Variants in TRIM25 observed in about 807,000 individuals in gnomAD.
TRIM25 encodes the protein E3 ubiquitin/ISG15 ligase TRIM25.
Under a neutral mutation model 65.2 loss-of-function variants are expected in TRIM25, and 45 were observed. The ratio of observed to expected loss-of-function variants is 0.69; its 90% confidence interval spans 0.54 to 0.89. The LOEUF (loss-of-function observed/expected upper bound fraction) is 0.89. Among genes scored for constraint, TRIM25 ranks in the 40% least tolerant of loss-of-function variants. The pLI, the probability that TRIM25 is intolerant of heterozygous loss-of-function variation, is 0.00. For synonymous variants in TRIM25, 321 were observed against 340.4 expected, an observed-to-expected ratio of 0.94 and a Z score of 0.63; for missense variants, 714 against 803.7, an observed-to-expected ratio of 0.89 and a Z score of 1.35.
At chr17:56,894,442 GT>G (rs2144349254) in intron 8 of TRIM25, among the ~76,000 whole-genome samples, 2 of 152,298 alleles carry the variant, frequency 1.3e-5, no homozygotes, top group South Asian at 4.1e-4. Context: ...TAGAGATGGG[GT>G]TTTGCCATGT....
intron 2 of TRIM25, among the ~76,000 whole-genome samples, chr17:56,906,431 CAAAGAGA>C (rs1165832728): frequency 6.6e-6 from 1 of 151,884 alleles, no homozygotes; most frequent in East Asian, 1.9e-4. Flanking sequence ...TCAAACATAA[CAAAGAGA>C]AAAACACACA....
At chr17:56,908,584 G>A in intron 1 of TRIM25, 21 bp from the exon 2 acceptor site, 1 of 1,609,454 alleles carries the variant, frequency 6.2e-7, no homozygotes, top group East Asian at 2.2e-5. Flanking sequence ...AACAAATGAG[G>A]TTGAGAATGC....
rs1023077812 is a variant in TRIM25 at position 56,889,494 on chromosome 17, A to G, written c.*2206T>C. 5.7e-6 allele frequency: 2 copies of G among 352,178 alleles called. No homozygotes were observed. The highest frequency in any genetic ancestry group is 4.2e-5 in the African/African-American group (2 of 47,746). The allele number at this position is 352,178 out of a possible 1,614,324, so 21.8% of individuals were successfully genotyped here. ...CGGCCCTGCAAGGCTAGGTTATGTAAGGTCTCACCATTGCAAACAGAATGG... is the reference window on the plus strand; with the variant it reads ...CGGCCCTGCAAGGCTAGGTTATGTAGGGTCTCACCATTGCAAACAGAATGG... On this transcript the variant is annotated 3_prime_UTR_variant, in exon 9 of 9. Transcript: ENST00000316881.
In TRIM25 at chr17:56,889,569, G is replaced by T. The variant is rs894839057; in HGVS notation, c.*2131C>A. ...TCAATTTACAACTCCAAAGCACCTT[G>T]CACAGAGCTTGGCTTTGGTTACCTA... On this transcript the variant is annotated 3_prime_UTR_variant, in exon 9 of 9. Transcript: ENST00000316881. 2.5e-6 allele frequency: 1 copy of T among 393,688 alleles called. No homozygotes were observed. Among genetic ancestry groups the T allele is most frequent in the East Asian group, 3.6e-5 (1 of 27,804 alleles). The allele number at this position is 393,688 out of a possible 1,614,324, so 24.4% of individuals were successfully genotyped here. A position where few individuals can be genotyped will look rare whatever the true frequency, so the allele number is the denominator to read the frequency against.
At chr17:56,895,634 A>T in intron 6 of TRIM25, 30 bp from the exon 7 acceptor site, 1 of 1,534,166 alleles carries the variant, frequency 6.5e-7, no homozygotes, top group Non-Finnish European at 8.8e-7. Flanking sequence ...AATATGATAC[A>T]GAGCAACGGG....
At position 56,891,464 on chromosome 17, in the gene TRIM25, T is replaced by A. The variant is rs1456057272; in HGVS notation, c.*236A>T. Reference sequence around the variant, plus strand: ...TGGAGATTTCCAGAACAATGGGGAGTAGGTCACCCTGCCCTGATAGGCACC... The same window carrying A: ...TGGAGATTTCCAGAACAATGGGGAGAAGGTCACCCTGCCCTGATAGGCACC... On this transcript the variant is annotated 3_prime_UTR_variant, in exon 9 of 9. Coordinates refer to ENST00000316881, the MANE Select transcript of TRIM25 (RefSeq NM_005082.5). The A allele has an allele frequency of 3.7e-6, 2 of 540,476 alleles. No individual in the cohort carries two copies. Among genetic ancestry groups the A allele is most frequent in the African/African-American group, 3.8e-5 (2 of 52,594 alleles). 33.5% of individuals were successfully genotyped at this position (540,476 alleles called of 1,614,324 possible). A position where few individuals can be genotyped will look rare whatever the true frequency, so the allele number is the denominator to read the frequency against.
In TRIM25 at chr17:56,913,874, C is replaced by T. The variant is rs1909682636; in HGVS notation, c.115G>A (p.Glu39Lys). 1 of 1,561,414 alleles carries T rather than the reference C, an allele frequency of 6.4e-7. No individual in the cohort carries two copies. The highest frequency in any genetic ancestry group is 2.4e-5 in the East Asian group (1 of 41,796). The change falls in exon 1 of 9, where the codon GAG becomes AAG. Residue 39 changes from glutamate to lysine, a missense_variant. This residue lies in a region of TRIM25 where 291 missense variants were observed against 281.8 expected (regional missense o/e 1.03). Coordinates refer to ENST00000316881, the MANE Select transcript of TRIM25 (RefSeq NM_005082.5). The surrounding 1 kb of genome is among the most constrained non-coding windows in gnomAD (Gnocchi z 6.1). ...GGCGAGCCCTGGACTGCCCACGTCT[C>T]ATTCAGGCACGACCCGCAGAAGTTG... ...GHNFCGSCLN[E>K]TWAVQGSPYL...
rs1909134787 is a variant in TRIM25, at chr17:56,889,974, C to T, written c.*1726G>A. On this transcript the variant is annotated 3_prime_UTR_variant, in exon 9 of 9. Transcript: ENST00000316881. ...ACTGAAAATCCTTGTTAGGAGATGA[C>T]ACCGATCAGGTATGTACCTGCATGT... 2.5e-6 allele frequency: 1 copy of T among 397,682 alleles called. No homozygotes were observed. 24.6% of individuals were successfully genotyped at this position (397,682 alleles called of 1,614,324 possible). A position where few individuals can be genotyped will look rare whatever the true frequency, so the allele number is the denominator to read the frequency against.
At chr17:56,899,606 C>G (rs1909369696) in intron 4 of TRIM25, among the ~76,000 whole-genome samples, 2 of 152,212 alleles carry the variant, frequency 1.3e-5, no homozygotes, top group Admixed American at 1.3e-4. Context: ...TACCAGCCAC[C>G]TATAGCTTTG....
At chr17:56,895,814 T>C in intron 6 of TRIM25, 112 bp downstream of exon 6, 2 of 1,391,874 alleles carry the variant, frequency 1.4e-6, no homozygotes, top group East Asian at 2.4e-5. Context: ...AATGGAATCA[T>C]ATAGAACCCA....
At chr17:56,899,727 C>A (rs1909372673) in intron 4 of TRIM25, among the ~76,000 whole-genome samples, 1 of 152,198 alleles carries the variant, frequency 6.6e-6, no homozygotes, top group Non-Finnish European at 1.5e-5. Flanking sequence ...TTGGACTACA[C>A]AACAGAGATT....
At chr17:56,903,353 A>C (rs1392267689) in intron 3 of TRIM25, among the ~76,000 whole-genome samples, 5 of 152,234 alleles carry the variant, frequency 3.3e-5, no homozygotes, top group African/African-American at 1.2e-4. Context: ...GAGCAAGATC[A>C]CACCACTACA....
intron 5 of TRIM25, 76 bp downstream of exon 5, chr17:56,899,039 C>T (rs566249240): frequency 1.9e-6 from 3 of 1,558,320 alleles, no homozygotes; most frequent in African/African-American, 2.7e-5. Context: ...TCGGGATGGG[C>T]CGGAAGTGAC....
intron 5 of TRIM25, among the ~76,000 whole-genome samples, chr17:56,898,539 T>A (rs1377311449): frequency 6.6e-6 from 1 of 152,166 alleles, no homozygotes; most frequent in African/African-American, 2.4e-5. Flanking sequence ...CAAAAATGGA[T>A]CCTTGGGGGA....
At chr17:56,892,286 A>G in intron 8 of TRIM25, 57 bp from the exon 9 acceptor site, 5 of 1,518,286 alleles carry the variant, frequency 3.3e-6, no homozygotes, top group Non-Finnish European at 3.5e-6. Flanking sequence ...GCTCTTTTAG[A>G]CCTTTGCCAA....
intron 2 of TRIM25, 95 bp from the exon 3 acceptor site, chr17:56,904,583 C>T: frequency 1.8e-6 from 2 of 1,109,376 alleles, no homozygotes; most frequent in Non-Finnish European, 2.6e-6. Context: ...TCCAGGAACT[C>T]TTACCTGTAC....
At chr17:56,904,600 G>A (rs561234938) in intron 2 of TRIM25, 112 bp from the exon 3 acceptor site, 5 of 994,114 alleles carry the variant, frequency 5.0e-6, no homozygotes, top group Admixed American at 4.5e-5. Context: ...GTACTTTGTG[G>A]GAGAACAAAC....
At chr17:56,899,065 G>A (rs1378604715) in intron 5 of TRIM25, 50 bp downstream of exon 5, 1 of 1,595,864 alleles carries the variant, frequency 6.3e-7, no homozygotes, top group Non-Finnish European at 8.6e-7. Flanking sequence ...CAGAGCCTGG[G>A]GAGGCCACAG....
intron 8 of TRIM25, among the ~76,000 whole-genome samples, chr17:56,894,311 CA>C (rs1909242253): frequency 6.6e-6 from 1 of 152,202 alleles, no homozygotes; most frequent in African/African-American, 2.4e-5. Flanking sequence ...TGCAGTGGCA[CA>C]ATCTCGGCTC....
Sources: gnomAD v4.1 joint callset for allele counts (sites outside exome capture counted in the v4.1 genomes callset) on GRCh38, gnomAD v4.1.1 for gene constraint, gnomAD v4.1.1 regional missense constraint, Gnocchi (gnomAD v3.1) non-coding constraint, MANE v1.5 for transcripts, NCBI Gene and HGNC (gene_info 2026-07-23, HGNC 2026-07-21) for gene names.